The following SAMTOR variants were observed in gnomAD, a reference collection of about 807,000 sequenced individuals.
SAMTOR encodes UPF0532 protein C7orf60.
At chr7:112,892,784 AT>A in the SAMTOR span, among the ~76,000 whole-genome samples, 1 of 151,798 alleles carries the variant, frequency 6.6e-6, no homozygotes, top group Admixed American at 6.6e-5. Context: ...AAAAAAAAAA[AT>A]AATAATAATA....
chr7:112,894,606 G>C, the SAMTOR span, among the ~76,000 whole-genome samples: 42 of 152,272 alleles, frequency 2.8e-4, no homozygotes, highest in African/African-American at 9.6e-4. Context: ...GCAGGCAAGA[G>C]AGAATGAGAG....
the SAMTOR span, among the ~76,000 whole-genome samples, chr7:112,833,544 C>T: frequency 6.6e-6 from 1 of 152,134 alleles, no homozygotes; most frequent in African/African-American, 2.4e-5. Context: ...ATTTCTTCCA[C>T]TAATGATCTT....
chr7:112,823,106 T>C, the SAMTOR span, among the ~76,000 whole-genome samples: 1 of 152,152 alleles, frequency 6.6e-6, no homozygotes, highest in African/African-American at 2.4e-5. Flanking sequence ...TTAACAAAGA[T>C]ATGACCTAAT....
chr7:112,900,121 C>CAT, the SAMTOR span, among the ~76,000 whole-genome samples: 206 of 150,506 alleles, frequency 1.4e-3, no homozygotes, highest in African/African-American at 1.7e-3. Context: ...TATATCTGTA[C>CAT]ATATATATAT....
the SAMTOR span, among the ~76,000 whole-genome samples, chr7:112,836,708 G>A: frequency 6.6e-6 from 1 of 151,162 alleles, no homozygotes; most frequent in South Asian, 2.1e-4. Flanking sequence ...AGCAAATAGC[G>A]AGTCCTGTCC....
the SAMTOR span, chr7:112,939,431 G>A: frequency 6.2e-6 from 7 of 1,125,520 alleles, no homozygotes; most frequent in East Asian, 1.5e-4. Context: ...GTCTGATGCC[G>A]ACTAGGGGGC....
chr7:112,919,480 C>T, the SAMTOR span, among the ~76,000 whole-genome samples: 2 of 151,422 alleles, frequency 1.3e-5, no homozygotes, highest in African/African-American at 4.8e-5. Context: ...GCACTAAATG[C>T]CCACAAGAGA....
the SAMTOR span, among the ~76,000 whole-genome samples, chr7:112,880,106 C>A: frequency 3.3e-5 from 5 of 152,110 alleles, no homozygotes; most frequent in Non-Finnish European, 5.9e-5. Context: ...CAGACAATTT[C>A]TTTCAGTAGA....
chr7:112,919,935 T>A, the SAMTOR span, among the ~76,000 whole-genome samples: 1 of 152,168 alleles, frequency 6.6e-6, no homozygotes, highest in East Asian at 1.9e-4. Context: ...AATAACAGGC[T>A]CTGAAATTGT....
chr7:112,851,039 G>A, the SAMTOR span, among the ~76,000 whole-genome samples: 4 of 152,028 alleles, frequency 2.6e-5, no homozygotes, highest in African/African-American at 9.7e-5. Context: ...TCTACAAGGA[G>A]AACTACAAAA....
chr7:112,905,388 G>A, the SAMTOR span, among the ~76,000 whole-genome samples: 1 of 152,104 alleles, frequency 6.6e-6, no homozygotes. Flanking sequence ...ATACATGTGA[G>A]ACAACCCCAA....
the SAMTOR span, among the ~76,000 whole-genome samples, chr7:112,925,752 C>G: frequency 1.3e-5 from 2 of 150,244 alleles, no homozygotes; most frequent in African/African-American, 4.9e-5. Context: ...TGAGATCATG[C>G]CATTGCACTC....
At chr7:112,918,909 G>A in the SAMTOR span, among the ~76,000 whole-genome samples, 10 of 152,134 alleles carry the variant, frequency 6.6e-5, no homozygotes, top group Admixed American at 4.6e-4. Context: ...TGTCCTAAAT[G>A]TATATGCACC....
At chr7:112,919,989 G>A in the SAMTOR span, among the ~76,000 whole-genome samples, 1 of 152,006 alleles carries the variant, frequency 6.6e-6, no homozygotes, top group African/African-American at 2.4e-5. Context: ...TCCAGGACCA[G>A]ATGGATTCAC....
chr7:112,938,042 A>G, the SAMTOR span, among the ~76,000 whole-genome samples: 2 of 152,150 alleles, frequency 1.3e-5, no homozygotes, highest in African/African-American at 4.8e-5. Context: ...CTTTAGAAAG[A>G]TGCACTTAAA....
the SAMTOR span, among the ~76,000 whole-genome samples, chr7:112,865,671 C>T: frequency 9.4e-6 from 1 of 106,086 alleles, no homozygotes; most frequent in Non-Finnish European, 1.7e-5. Context: ...TTCATACATA[C>T]ATATATTCAT....
the SAMTOR span, among the ~76,000 whole-genome samples, chr7:112,899,789 G>GTA: frequency 1.8e-5 from 2 of 113,388 alleles, no homozygotes; most frequent in Non-Finnish European, 3.5e-5. Flanking sequence ...TGTGCTGAAG[G>GTA]AAAAAAAAAA....
chr7:112,887,342 C>T, the SAMTOR span, among the ~76,000 whole-genome samples: 1 of 151,116 alleles, frequency 6.6e-6, no homozygotes, highest in Non-Finnish European at 1.5e-5. Flanking sequence ...AATACAGATT[C>T]AGTCATTATC....
At chr7:112,841,879 G>A in the SAMTOR span, among the ~76,000 whole-genome samples, 2 of 151,946 alleles carry the variant, frequency 1.3e-5, no homozygotes, top group African/African-American at 4.8e-5. Flanking sequence ...AGCCATATGC[G>A]AAGAACTGAA....
Sources: allele counts gnomAD v4.1 joint callset (sites outside exome capture counted in the v4.1 genomes callset), GRCh38; gene constraint gnomAD v4.1.1; transcripts MANE v1.5; gene names NCBI Gene and HGNC (gene_info 2026-07-23, HGNC 2026-07-21).